Variants in PTPRM observed in about 807,000 individuals in gnomAD.
PTPRM encodes the protein protein tyrosine phosphatase receptor type M.
PTPRM carries 47 observed loss-of-function variants against 186.7 expected under a neutral mutation model. That is an observed-to-expected ratio of 0.25 (90% CI 0.20 to 0.32). The LOEUF is 0.32. PTPRM is among the 10% of genes least tolerant of loss of function. PTPRM has a pLI of 1.00. For synonymous variants in PTPRM, 668 were observed against 674.9 expected, an observed-to-expected ratio of 0.99 and a Z score of 0.16; for missense variants, 1,494 against 1,865.0, an observed-to-expected ratio of 0.80 and a Z score of 3.66.
intron 7 of PTPRM, among the ~76,000 whole-genome samples, chr18:8,050,971 C>T (rs935595010): frequency 1.3e-5 from 2 of 152,136 alleles, no homozygotes; most frequent in African/African-American, 2.4e-5. Context: ...AGCCAGGCTG[C>T]ACTCAGGCCT....
At chr18:8,231,652 C>A (rs996277001) in intron 14 of PTPRM, among the ~76,000 whole-genome samples, 1 of 152,134 alleles carries the variant, frequency 6.6e-6, no homozygotes, top group Non-Finnish European at 1.5e-5. Context: ...AGTATAATAA[C>A]CATTCCTTTA....
chr18:7,810,548 A>G (rs931169052), intron 2 of PTPRM, among the ~76,000 whole-genome samples: 3 of 152,148 alleles, frequency 2.0e-5, no homozygotes, highest in Admixed American at 1.3e-4. Flanking sequence ...TAGAGTTGCA[A>G]TGGAAATAAC....
chr18:7,901,410 A>G (rs1459060689), intron 3 of PTPRM, among the ~76,000 whole-genome samples: 1 of 151,708 alleles, frequency 6.6e-6, no homozygotes, highest in Non-Finnish European at 1.5e-5. Flanking sequence ...CTCTGTCGCC[A>G]GGCTGCAGTG....
At chr18:8,101,722 T>C (rs1568343098) in intron 11 of PTPRM, among the ~76,000 whole-genome samples, 1 of 152,182 alleles carries the variant, frequency 6.6e-6, no homozygotes, top group Non-Finnish European at 1.5e-5. Flanking sequence ...GCTTTCCGTG[T>C]AACACTTAAT....
intron 1 of PTPRM, among the ~76,000 whole-genome samples, chr18:7,706,421 AC>A (rs1451156593): frequency 6.6e-6 from 1 of 151,482 alleles, no homozygotes; most frequent in Non-Finnish European, 1.5e-5. Flanking sequence ...GCATAGGGAG[AC>A]CCTACTTCTA....
intron 23 of PTPRM, among the ~76,000 whole-genome samples, chr18:8,358,271 A>ACACC (rs1032730558): frequency 1.3e-5 from 2 of 151,066 alleles, no homozygotes; most frequent in African/African-American, 4.9e-5. Flanking sequence ...ACACACACAC[A>ACACC]CACATGCATA....
At chr18:8,041,511 T>G (rs990664055) in intron 7 of PTPRM, among the ~76,000 whole-genome samples, 5 of 151,926 alleles carry the variant, frequency 3.3e-5, no homozygotes, top group African/African-American at 4.8e-5. Context: ...TACTACAGTG[T>G]GGTTATATCT....
intron 14 of PTPRM, among the ~76,000 whole-genome samples, chr18:8,223,064 G>T (rs557336650): frequency 2.6e-5 from 4 of 151,954 alleles, no homozygotes; most frequent in Admixed American, 2.0e-4. Flanking sequence ...TCTCTACTAA[G>T]AGTACAAAAA....
In PTPRM at chr18:7,567,770, C is replaced by T; in HGVS notation, c.-49C>T. The T allele has an allele frequency of 1.3e-6, 2 of 1,488,362 alleles. No individual in the cohort carries two copies. Among genetic ancestry groups the T allele is most frequent in the Non-Finnish European group, 1.8e-6 (2 of 1,121,138 alleles). 92.2% of individuals were successfully genotyped at this position (1,488,362 alleles called of 1,614,324 possible). On this transcript the variant is annotated 5_prime_UTR_variant, in exon 1 of 33. Coordinates refer to ENST00000580170, the MANE Select transcript of PTPRM (RefSeq NM_001105244.2). This position sits in a 1 kb window ranked among gnomAD's most constrained non-coding sequence, Gnocchi z 4.3. ...AAGCTCCCGGCCCCCTCCGCCCTCG[C>T]GCGCCCACCCACCGCCGCCGGGGAG...
chr18:7,963,916 A>T (rs1363207775), intron 7 of PTPRM, among the ~76,000 whole-genome samples: 4 of 152,152 alleles, frequency 2.6e-5, no homozygotes, highest in Non-Finnish European at 1.5e-5. Flanking sequence ...ATGTTTGAGG[A>T]TGCCTCTGCA....
At chr18:8,340,241 T>A (rs750624670) in intron 22 of PTPRM, among the ~76,000 whole-genome samples, 1 of 152,208 alleles carries the variant, frequency 6.6e-6, no homozygotes, top group Admixed American at 6.5e-5. Context: ...TCTCTGCCTG[T>A]ACTTTTTTTT....
chr18:7,638,223 A>G (rs372088576), intron 1 of PTPRM, among the ~76,000 whole-genome samples: 1 of 152,220 alleles, frequency 6.6e-6, no homozygotes, highest in African/African-American at 2.4e-5. Flanking sequence ...GAGGTCCAGA[A>G]TAAAGTATCT....
chr18:7,922,979 A>C (rs927403922), intron 4 of PTPRM, among the ~76,000 whole-genome samples: 62 of 152,142 alleles, frequency 4.1e-4, no homozygotes, highest in African/African-American at 1.4e-3. Context: ...TGTGGGGGCT[A>C]TCCTGCACAT....
chr18:8,294,693 A>G lies in PTPRM; in HGVS notation c.2755-1675A>G, dbSNP rs915307481. ...ACATCTGATCCTACCATGTTTTTGA[A>G]ATGATAAATATAAGGTAAAAACTAT... On this transcript the variant is annotated intron_variant, in intron 19 of 32. Coordinates refer to ENST00000580170, the MANE Select transcript of PTPRM (RefSeq NM_001105244.2). Among the ~76,000 whole-genome samples, 9 of 152,242 alleles carry G rather than the reference A, an allele frequency of 5.9e-5. No homozygotes were observed. In the East Asian group the frequency reaches 1.7e-3, roughly 29 times the overall value.
intron 7 of PTPRM, among the ~76,000 whole-genome samples, chr18:8,012,107 G>A (rs2084567977): frequency 6.6e-6 from 1 of 152,154 alleles, no homozygotes; most frequent in Non-Finnish European, 1.5e-5. Context: ...TTGGAGAGAC[G>A]CCACTGGGGG....
chr18:7,951,234 C>G (rs2052931542), intron 6 of PTPRM, among the ~76,000 whole-genome samples: 1 of 152,226 alleles, frequency 6.6e-6, no homozygotes, highest in South Asian at 2.1e-4. Context: ...ACAGAAAGGA[C>G]ACTAGTTTGC....
chr18:8,009,868 C>T (rs2084418608), intron 7 of PTPRM, among the ~76,000 whole-genome samples: 1 of 152,044 alleles, frequency 6.6e-6, no homozygotes, highest in Non-Finnish European at 1.5e-5. Flanking sequence ...GAAACTAGAA[C>T]TCGAGATAAT....
chr18:7,605,190 C>T (rs1245223042), intron 1 of PTPRM, among the ~76,000 whole-genome samples: 3 of 151,210 alleles, frequency 2.0e-5, no homozygotes, highest in African/African-American at 7.3e-5. Flanking sequence ...TTAAAAAAAT[C>T]ACCAAAAAAA....
intron 23 of PTPRM, among the ~76,000 whole-genome samples, chr18:8,344,397 T>TAC (rs1350302216): frequency 4.7e-5 from 7 of 149,186 alleles, no homozygotes; most frequent in Middle Eastern, 3.5e-3. Flanking sequence ...TATATATATA[T>TAC]ACATACACAC....
Sources: allele counts gnomAD v4.1 joint callset (sites outside exome capture counted in the v4.1 genomes callset), GRCh38; gene constraint gnomAD v4.1.1; non-coding constraint Gnocchi (gnomAD v3.1); transcripts MANE v1.5; gene names NCBI Gene and HGNC (gene_info 2026-07-23, HGNC 2026-07-21).